Variants in SAP30BP observed in about 807,000 individuals in gnomAD.
SAP30BP encodes SAP30-binding protein.
Under a neutral mutation model 46.3 loss-of-function variants are expected in SAP30BP, and 31 were observed. The ratio of observed to expected loss-of-function variants is 0.67; its 90% CI spans 0.50 to 0.90. SAP30BP has a LOEUF of 0.90. Ranked by LOEUF, SAP30BP falls within the 40% of genes least tolerant of loss-of-function variation. The pLI, the probability that SAP30BP is intolerant of heterozygous loss-of-function variation, is 0.00. For synonymous variants in SAP30BP, 169 were observed against 144.2 expected, an observed-to-expected ratio of 1.17 and a Z score of -1.23; for missense variants, 312 against 391.0, an observed-to-expected ratio of 0.80 and a Z score of 1.70.
rs1215439755 is a variant in SAP30BP, at chr17:75,703,356, C to T, written c.534C>T (p.Gly178=). The change falls in exon 7 of 11, where the codon GGC becomes GGT. Residue 178 remains glycine, a synonymous_variant. Transcript: ENST00000584667. ...LIQFCAIDEL[G]TNYPKDMFDP... is the part of the protein sequence containing the mutation. ...AGTTCTGTGCCATTGACGAGCTTGG[C>T]ACCAACTACCCAAAGGTGCGTCTGG... 1 of 1,614,054 alleles carries T rather than the reference C, an allele frequency of 6.2e-7. No individual in the cohort carries two copies. The highest frequency in any genetic ancestry group is 8.5e-7 in the Non-Finnish European group (1 of 1,179,992).
intron 5 of SAP30BP, among the ~76,000 whole-genome samples, chr17:75,701,088 C>T (rs750646615): frequency 4.6e-5 from 7 of 152,176 alleles, no homozygotes; most frequent in Admixed American, 3.3e-4. Context: ...CCTCTCTCTG[C>T]AGTTCAGCTC....
At chr17:75,668,477 C>A in intron 1 of SAP30BP, 39 bp from the exon 2 acceptor site, 1 of 1,194,164 alleles carries the variant, frequency 8.4e-7, no homozygotes, top group Non-Finnish European at 1.2e-6. Context: ...TTTTTTTTTT[C>A]TTGCTTTTTG....
chr17:75,671,739 C>T, intron 2 of SAP30BP, 77 bp from the exon 3 acceptor site: 1 of 1,135,852 alleles, frequency 8.8e-7, no homozygotes, highest in South Asian at 1.2e-5. Context: ...GCTGTTTGCT[C>T]CGGCCCCTAG....
chr17:75,690,419 C>T (rs926623070), intron 3 of SAP30BP, among the ~76,000 whole-genome samples: 5 of 152,142 alleles, frequency 3.3e-5, no homozygotes, highest in African/African-American at 1.2e-4. Context: ...TTCAGGGTCT[C>T]CCTGTGTCAC....
chr17:75,703,880 C>T, intron 8 of SAP30BP, 21 bp downstream of exon 8: 1 of 1,581,354 alleles, frequency 6.3e-7, no homozygotes, highest in Non-Finnish European at 8.7e-7. Context: ...GTCCCTCCTC[C>T]CATATACCTT....
chr17:75,686,324 T>C (rs1599130089), intron 3 of SAP30BP, among the ~76,000 whole-genome samples: 1 of 152,210 alleles, frequency 6.6e-6, no homozygotes, highest in Non-Finnish European at 1.5e-5. Context: ...GAGACCATCC[T>C]GGCTAACGAG....
At chr17:75,690,140 T>C (rs1306602466) in intron 3 of SAP30BP, among the ~76,000 whole-genome samples, 2 of 152,164 alleles carry the variant, frequency 1.3e-5, no homozygotes, top group South Asian at 2.1e-4. Flanking sequence ...TTTTAAATTA[T>C]AAAATAAATC....
In SAP30BP at chr17:75,703,817, G is replaced by A; in HGVS notation, c.559G>A (p.Asp187Asn). The A allele has an allele frequency of 6.2e-7, 1 of 1,613,872 alleles. No individual in the cohort carries two copies. Among genetic ancestry groups the A allele is most frequent in the African/African-American group, 1.3e-5 (1 of 75,042 alleles). ...GCCTTTTCCTTTGCAGGATATGTTTGATCCCCATGGCTGGTCTGAGGACTC... is the reference window on the plus strand; with the variant it reads ...GCCTTTTCCTTTGCAGGATATGTTTAATCCCCATGGCTGGTCTGAGGACTC... ...LGTNYPKDMFDPHGWSEDSYY... is the reference protein window; with the variant it reads ...LGTNYPKDMFNPHGWSEDSYY... Residue 187 changes from aspartate (D) to asparagine (N), a missense_variant, in exon 8 of 11, where the codon GAT becomes AAT. Coordinates refer to ENST00000584667, the MANE Select transcript of SAP30BP (RefSeq NM_013260.8).
intron 3 of SAP30BP, chr17:75,691,555 G>A: frequency 2.2e-6 from 1 of 447,338 alleles, no homozygotes; most frequent in South Asian, 1.6e-5. Flanking sequence ...CCCTTGAAGA[G>A]CCATTGCATG....
Position 75,706,573 on chromosome 17 carries a change from G to T in SAP30BP, c.*52G>T, listed in dbSNP as rs1312125008. 6.5e-7 allele frequency: 1 copy of T among 1,541,210 alleles called. No individual in the cohort carries two copies. On this transcript the variant is annotated 3_prime_UTR_variant, in exon 11 of 11. Coordinates refer to ENST00000584667, the MANE Select transcript of SAP30BP (RefSeq NM_013260.8). This position sits in a 1 kb window ranked among gnomAD's most constrained non-coding sequence, Gnocchi z 4.6. ...AGGACCGTGCAGCCCAGTGACCACTGCCCAGTGGGAGGCGCCACTTTGTAT... is the reference window on the plus strand; with the variant it reads ...AGGACCGTGCAGCCCAGTGACCACTTCCCAGTGGGAGGCGCCACTTTGTAT...
In SAP30BP at chr17:75,706,245, G is replaced by A. The variant is rs2060495474; in HGVS notation, c.746-95G>A. 3.2e-6 allele frequency: 5 copies of A among 1,548,244 alleles called. No homozygotes were observed. The highest frequency in any genetic ancestry group is 4.4e-6 in the Non-Finnish European group (5 of 1,141,134). On this transcript the variant is annotated intron_variant, in intron 10 of 10. Transcript: ENST00000584667. The surrounding 1 kb of genome is among the most constrained non-coding windows in gnomAD (Gnocchi z 4.6). ...GGAGTCTGGGGTGGGCCACTTCGGG[G>A]TCTGCTCCCTAGACTCCCGCTGGCC...
chr17:75,672,962 CA>C (rs1019867351), intron 3 of SAP30BP, among the ~76,000 whole-genome samples: 19 of 117,366 alleles, frequency 1.6e-4, no homozygotes, highest in Non-Finnish European at 1.4e-4. Flanking sequence ...GAATCTGTCT[CA>C]AAAAAAAAAA....
intron 5 of SAP30BP, among the ~76,000 whole-genome samples, chr17:75,701,448 C>T (rs1164597578): frequency 2.0e-5 from 3 of 152,260 alleles, no homozygotes; most frequent in East Asian, 3.9e-4. Flanking sequence ...GGCAGGACCC[C>T]CTTCCTGAGG....
At chr17:75,692,517 G>A in intron 3 of SAP30BP, 1 of 985,424 alleles carries the variant, frequency 1.0e-6, no homozygotes, top group Non-Finnish European at 1.2e-6. Flanking sequence ...ACCCAGAAAT[G>A]GGGGAAACAG....
intron 3 of SAP30BP, among the ~76,000 whole-genome samples, chr17:75,689,155 CTTTT>C (rs11306586): frequency 3.7e-5 from 5 of 133,962 alleles, no homozygotes; most frequent in Non-Finnish European, 4.8e-5. Flanking sequence ...TTCCTTGTAT[CTTTT>C]TTTTTTTTTT....
chr17:75,685,270 A>T (rs2060140190), intron 3 of SAP30BP, among the ~76,000 whole-genome samples: 1 of 152,148 alleles, frequency 6.6e-6, no homozygotes, highest in Non-Finnish European at 1.5e-5. Flanking sequence ...GATACAGAGG[A>T]CTGCCTGTCC....
chr17:75,671,424 G>A (rs573585149), intron 2 of SAP30BP, among the ~76,000 whole-genome samples: 1 of 152,220 alleles, frequency 6.6e-6, no homozygotes, highest in Admixed American at 6.5e-5. Flanking sequence ...TCATAATCCT[G>A]ATTTGAAATA....
At chr17:75,671,968 G>A (rs2059914191) in intron 3 of SAP30BP, 105 bp downstream of exon 3, 1 of 909,502 alleles carries the variant, frequency 1.1e-6, no homozygotes, top group Non-Finnish European at 1.9e-6. Flanking sequence ...GACAAACTGT[G>A]CAACTGTGTG....
chr17:75,704,897 G>C (rs1466511613), intron 9 of SAP30BP, 83 bp downstream of exon 9: 1 of 1,116,704 alleles, frequency 9.0e-7, no homozygotes, highest in East Asian at 2.4e-5. Context: ...AGGTGTCCAG[G>C]CTGCCCCCAA....
Sources: gnomAD v4.1 joint callset for allele counts (sites outside exome capture counted in the v4.1 genomes callset) on GRCh38, gnomAD v4.1.1 for gene constraint, Gnocchi (gnomAD v3.1) non-coding constraint, MANE v1.5 for transcripts, NCBI Gene and HGNC (gene_info 2026-07-23, HGNC 2026-07-21) for gene names.